The following ARHGAP5 variants were observed in gnomAD, a reference collection of about 807,000 sequenced individuals.
ARHGAP5 encodes Rho GTPase activating protein 5, also known as rho GTPase-activating protein 5.
Under a neutral mutation model 116.6 loss-of-function variants are expected in ARHGAP5, and 23 were observed. That is an observed-to-expected ratio of 0.20 (90% CI 0.14 to 0.28). The LOEUF is 0.28. Ranked by LOEUF, ARHGAP5 falls within the 10% of genes least tolerant of loss-of-function variation. The probability of loss-of-function intolerance (pLI) is 1.00; values close to 1 mark genes in which losing one functional copy is unlikely to be tolerated. For missense variants in ARHGAP5, 1,405 were observed against 1,774.8 expected (o/e 0.79, Z 3.74); for synonymous variants, 574 against 602.0 (o/e 0.95, Z 0.68).
At chr14:32,143,329 G>A (rs1170363024) in intron 3 of ARHGAP5, among the ~76,000 whole-genome samples, 3 of 149,864 alleles carry the variant, frequency 2.0e-5, no homozygotes, top group Non-Finnish European at 4.5e-5. Context: ...TGCAACCTCC[G>A]CCTCCCAGGT....
At position 32,078,490 on chromosome 14, in the gene ARHGAP5, G is replaced by T. The variant is rs372934026; in HGVS notation, c.-169+1055G>T. Among the ~76,000 whole-genome samples, 11 of 152,220 alleles carry T rather than the reference G, an allele frequency of 7.2e-5. No individual in the cohort carries two copies. In the South Asian group the frequency reaches 2.1e-3, roughly 29 times the overall value. On this transcript the variant is annotated intron_variant, in intron 1 of 6. Coordinates refer to ENST00000345122, the MANE Select transcript of ARHGAP5 (RefSeq NM_001030055.2). ...TACGTTTTAAGTTTAAATTCTTATCGATCATTTATTTTTTCCTTTGTGATA... is the reference window on the plus strand; with the variant it reads ...TACGTTTTAAGTTTAAATTCTTATCTATCATTTATTTTTTCCTTTGTGATA...
rs61737869 is a variant in ARHGAP5, at chr14:32,093,303, T to G, written c.2634T>G (p.Pro878=). 18 of 1,613,788 alleles carry G rather than the reference T, an allele frequency of 1.1e-5. No individual in the cohort carries two copies. Among genetic ancestry groups the G allele is most frequent in the Non-Finnish European group, 1.5e-5 (18 of 1,179,924 alleles). The change falls in exon 2 of 7, where the codon CCT becomes CCG. Residue 878 remains proline, a synonymous_variant. Coordinates refer to ENST00000345122, the MANE Select transcript of ARHGAP5 (RefSeq NM_001030055.2). ...TATCAGAAGTTCAAGACACCATTCC[T>G]GTACAGCTGGTGGCAGTTACTGACA... is the stretch of plus-strand genomic sequence containing the variant. The part of the protein sequence containing the change: ...AFLSEVQDTI[P]VQLVAVTDSQ...
intron 3 of ARHGAP5, among the ~76,000 whole-genome samples, chr14:32,128,021 G>A (rs1303730890): frequency 1.3e-5 from 2 of 150,864 alleles, no homozygotes; most frequent in Non-Finnish European, 3.0e-5. Flanking sequence ...TGGCGGCCGG[G>A]TAGAGACGCT....
chr14:32,140,094 G>GTTTTTTTTTTTTTTTTTTTTTTTTT (rs1566681674), intron 3 of ARHGAP5, among the ~76,000 whole-genome samples: 2 of 32,450 alleles, frequency 6.2e-5, no homozygotes, highest in African/African-American at 1.4e-4. Flanking sequence ...TAGGTTATTT[G>GTTTTTTTTTTTTTTTTTTTTTTTTT]TTCTTTTTTT....
chr14:32,127,213 T>C (rs1333409658), intron 3 of ARHGAP5, among the ~76,000 whole-genome samples: 2 of 151,932 alleles, frequency 1.3e-5, no homozygotes, highest in South Asian at 2.1e-4. Context: ...TCTTGGGTGT[T>C]TCTGGGAGAG....
chr14:32,092,956 G>T lies in ARHGAP5; in HGVS notation c.2287G>T (p.Val763Leu). ...GGAATCAGTTAAACACAATTTGGAT[G>T]TGGTGAGCCCAATTCCTGCCAATAA... ...VLESVKHNLDVVSPIPANKDL... is the reference protein window; with the variant it reads ...VLESVKHNLDLVSPIPANKDL... The change falls in exon 2 of 7, where the codon GTG (valine) becomes TTG (leucine). Residue 763 changes from valine to leucine, a missense_variant. Val to Leu is a conservative substitution (Grantham distance 32). This residue lies in a region of ARHGAP5 where 944 missense variants were observed against 1,095.3 expected (regional missense o/e 0.86). Coordinates refer to ENST00000345122, the MANE Select transcript of ARHGAP5 (RefSeq NM_001030055.2). This position sits in a 1 kb window ranked among gnomAD's most constrained non-coding sequence, Gnocchi z 4.1. 6.2e-7 allele frequency: 1 copy of T among 1,614,034 alleles called. No individual in the cohort carries two copies. The highest frequency in any genetic ancestry group is 8.5e-7 in the Non-Finnish European group (1 of 1,179,930).
chr14:32,113,800 T>C (rs764105624), intron 2 of ARHGAP5, among the ~76,000 whole-genome samples: 2 of 152,262 alleles, frequency 1.3e-5, no homozygotes, highest in African/African-American at 2.4e-5. Context: ...TAAGAGGTGA[T>C]TGGAACATTT....
chr14:32,092,740 A>G lies in ARHGAP5; in HGVS notation c.2071A>G (p.Met691Val), dbSNP rs755978813. The G allele has an allele frequency of 2.5e-6, 4 of 1,613,794 alleles. No homozygotes were observed. Among genetic ancestry groups the G allele is most frequent in the East Asian group, 2.2e-5 (1 of 44,874 alleles). ...TTCTCAGATCAGAAAAGATAAATACATGGCTAATCTTCCATTTACATTAAT... is the reference window on the plus strand; with the variant it reads ...TTCTCAGATCAGAAAAGATAAATACGTGGCTAATCTTCCATTTACATTAAT... The part of the protein sequence containing the change: ...EASQIRKDKY[M>V]ANLPFTLILA... The change falls in exon 2 of 7, where the codon ATG (methionine) becomes GTG (valine). Residue 691 changes from methionine to valine, a missense_variant. Physicochemically the swap from Met to Val is conservative, Grantham distance 21 (BLOSUM62 1). Coordinates refer to ENST00000345122, the MANE Select transcript of ARHGAP5 (RefSeq NM_001030055.2). This position sits in a 1 kb window ranked among gnomAD's most constrained non-coding sequence, Gnocchi z 4.1.
chr14:32,153,051 GTTT>G (rs773823740), intron 6 of ARHGAP5, among the ~76,000 whole-genome samples: 3 of 79,918 alleles, frequency 3.8e-5, no homozygotes, highest in Non-Finnish European at 8.1e-5. Context: ...GGTTTTTTTT[GTTT>G]TTTTTTTTTT....
At chr14:32,114,551 C>G (rs1594364804) in intron 2 of ARHGAP5, among the ~76,000 whole-genome samples, 1 of 152,122 alleles carries the variant, frequency 6.6e-6, no homozygotes, top group Non-Finnish European at 1.5e-5. Flanking sequence ...AGGTCTTGAG[C>G]CAGAAACAGA....
intron 3 of ARHGAP5, among the ~76,000 whole-genome samples, chr14:32,140,066 CT>C (rs764763402): frequency 0.044 from 1,241 of 27,946 alleles, 34 homozygotes; most frequent in African/African-American, 0.14. Flanking sequence ...TTTTCTCTCT[CT>C]TTTTTTTTTT....
At chr14:32,084,622 C>T (rs1435536616) in intron 1 of ARHGAP5, among the ~76,000 whole-genome samples, 2 of 152,136 alleles carry the variant, frequency 1.3e-5, no homozygotes, top group Non-Finnish European at 2.9e-5. Context: ...AATGCTTCTA[C>T]GTTATTTAGT....
At chr14:32,130,387 GTTTT>G (rs758926640) in intron 3 of ARHGAP5, among the ~76,000 whole-genome samples, 3 of 132,872 alleles carry the variant, frequency 2.3e-5, no homozygotes, top group African/African-American at 8.3e-5. Context: ...AATTTTTTGG[GTTTT>G]TTTTTTTTTT....
At position 32,094,328 on chromosome 14, in the gene ARHGAP5, A is replaced by G. The variant is rs1878415607; in HGVS notation, c.3659A>G (p.Gln1220Arg). 1 of 1,598,796 alleles carries G rather than the reference A, an allele frequency of 6.3e-7. No individual in the cohort carries two copies. Among genetic ancestry groups the G allele is most frequent in the Non-Finnish European group, 8.5e-7 (1 of 1,176,230 alleles). ...GIDNPAITSDQELDDKKMKKK... is the reference protein window; with the variant it reads ...GIDNPAITSDRELDDKKMKKK... Reference sequence around the variant, plus strand: ...GATAATCCTGCAATCACTTCTGACCAGGAGTTAGATGATAAGAAGATGAAG... The same window carrying G: ...GATAATCCTGCAATCACTTCTGACCGGGAGTTAGATGATAAGAAGATGAAG... Residue 1220 changes from glutamine (Q) to arginine (R), a missense_variant, in exon 2 of 7, where the codon CAG (glutamine) becomes CGG (arginine). Gln to Arg is a conservative substitution (Grantham distance 43, BLOSUM62 1). Coordinates refer to ENST00000345122, the MANE Select transcript of ARHGAP5 (RefSeq NM_001030055.2).
At chr14:32,094,475 A>G (rs762213747) in intron 2 of ARHGAP5, 89 bp downstream of exon 2, 1 of 957,712 alleles carries the variant, frequency 1.0e-6, no homozygotes, top group Non-Finnish European at 1.6e-6. Context: ...ATTTAGTCTC[A>G]TTCATTCCAT....
In ARHGAP5 at chr14:32,077,387, C is replaced by T; in HGVS notation, c.-217C>T. On this transcript the variant is annotated 5_prime_UTR_variant, in exon 1 of 7. Transcript: ENST00000345122. ...AGGAATGTCGCTGCCGCCGCCACCGCCGGGGCCGCTGCCGTTGAGGAGGAG... is the reference window on the plus strand; with the variant it reads ...AGGAATGTCGCTGCCGCCGCCACCGTCGGGGCCGCTGCCGTTGAGGAGGAG... 1 of 701,542 alleles carries T rather than the reference C, an allele frequency of 1.4e-6. No individual in the cohort carries two copies. Among genetic ancestry groups the T allele is most frequent in the East Asian group, 2.7e-5 (1 of 37,070 alleles). 43.5% of individuals were successfully genotyped at this position (701,542 alleles called of 1,614,324 possible). A position where few individuals can be genotyped will look rare whatever the true frequency, so the allele number is the denominator to read the frequency against.
Position 32,091,287 on chromosome 14 carries a change from T to A in ARHGAP5, c.618T>A (p.Asp206Glu), listed in dbSNP as rs760752078. 2 of 1,613,264 alleles carry A rather than the reference T, an allele frequency of 1.2e-6. No individual in the cohort carries two copies. The highest frequency in any genetic ancestry group is 8.5e-7 in the Non-Finnish European group (1 of 1,179,610). Residue 206 changes from aspartate (D) to glutamate (E), a missense_variant, in exon 2 of 7, where the codon GAT becomes GAA. By Grantham distance (45) the Asp-to-Glu change is conservative. Transcript: ENST00000345122. ...IAATKCDECV[D>E]HYLREVQAFA... The stretch of plus-strand genomic sequence containing the variant: ...CAACTAAATGTGATGAATGCGTGGA[T>A]CATTATCTTAGAGAAGTTCAGGCAT...
chr14:32,120,156 T>C (rs1449589874), intron 3 of ARHGAP5, among the ~76,000 whole-genome samples: 1 of 152,096 alleles, frequency 6.6e-6, no homozygotes, highest in African/African-American at 2.4e-5. Flanking sequence ...TTTTATTTCT[T>C]CTGGAGTAAG....
At chr14:32,143,578 A>C (rs1021236926) in intron 3 of ARHGAP5, among the ~76,000 whole-genome samples, 5 of 152,182 alleles carry the variant, frequency 3.3e-5, no homozygotes, top group Non-Finnish European at 7.4e-5. Flanking sequence ...CTAAAATTTT[A>C]TATTTAGCTT....
Sources: allele counts gnomAD v4.1 joint callset (sites outside exome capture counted in the v4.1 genomes callset), GRCh38; gene constraint gnomAD v4.1.1; regional missense constraint gnomAD v4.1.1; non-coding constraint Gnocchi (gnomAD v3.1); transcripts MANE v1.5; gene names NCBI Gene and HGNC (gene_info 2026-07-23, HGNC 2026-07-21).